TAOK3: variants seen among roughly 807,000 people sequenced by gnomAD.
The protein encoded by TAOK3 is serine/threonine-protein kinase TAO3.
TAOK3 carries 40 observed loss-of-function variants against 120.4 expected under a neutral mutation model. The ratio of observed to expected loss-of-function variants is 0.33; its 90% CI spans 0.26 to 0.43. The LOEUF (loss-of-function observed/expected upper bound fraction) is 0.43. Among genes scored for constraint, TAOK3 ranks in the 20% least tolerant of loss-of-function variants. The probability of loss-of-function intolerance (pLI) is 1.00; values close to 1 mark genes in which losing one functional copy is unlikely to be tolerated. For missense variants in TAOK3, 821 were observed against 1,112.1 expected, an observed-to-expected ratio of 0.74 and a Z score of 3.72; for synonymous variants, 355 against 387.5, an observed-to-expected ratio of 0.92 and a Z score of 0.99.
intron 13 of TAOK3, among the ~76,000 whole-genome samples, chr12:118,195,110 T>C (rs781778527): frequency 6.6e-6 from 1 of 151,982 alleles, no homozygotes; most frequent in South Asian, 2.1e-4. Context: ...GAATGAAGTG[T>C]TGTCCCATTA....
chr12:118,237,498 G>T (rs980403734), intron 7 of TAOK3, among the ~76,000 whole-genome samples: 2 of 152,136 alleles, frequency 1.3e-5, no homozygotes, highest in Non-Finnish European at 2.9e-5. Context: ...CCTAGAATAG[G>T]AGTCAAGAAA....
intron 8 of TAOK3, among the ~76,000 whole-genome samples, chr12:118,234,168 A>AAAGT (rs1473207766): frequency 1.3e-5 from 2 of 149,384 alleles, no homozygotes; most frequent in East Asian, 3.9e-4. Context: ...ATAGTTCCAT[A>AAAGT]AAGTATTTTT....
At chr12:118,303,828 A>G (rs1171860884) in intron 1 of TAOK3, among the ~76,000 whole-genome samples, 1 of 152,102 alleles carries the variant, frequency 6.6e-6, no homozygotes, top group Non-Finnish European at 1.5e-5. Context: ...TTGTATTTTC[A>G]GTAGAGATGG....
At chr12:118,355,304 G>A (rs1007337268) in intron 1 of TAOK3, among the ~76,000 whole-genome samples, 3 of 152,138 alleles carry the variant, frequency 2.0e-5, no homozygotes, top group African/African-American at 7.2e-5. Context: ...TCTGAGTGGT[G>A]TACTCAGAAG....
intron 1 of TAOK3, among the ~76,000 whole-genome samples, chr12:118,284,590 T>C (rs921647287): frequency 6.6e-6 from 1 of 152,150 alleles, no homozygotes; most frequent in Non-Finnish European, 1.5e-5. Context: ...TAAAACTGAA[T>C]TGAAGGTGAT....
At chr12:118,246,112 G>A (rs2040483723) in intron 3 of TAOK3, 11 of 1,354,170 alleles carry the variant, frequency 8.1e-6, no homozygotes, top group Admixed American at 2.4e-5. Flanking sequence ...GCAGCGGGGG[G>A]GCACGGAGGC....
intron 16 of TAOK3, among the ~76,000 whole-genome samples, chr12:118,176,693 A>T (rs78690826): frequency 0.094 from 14,294 of 152,214 alleles, 852 homozygotes; most frequent in Non-Finnish European, 0.13. Flanking sequence ...GTCAGATAAA[A>T]AAATAAATAA....
chr12:118,164,737 A>T (rs982235525), intron 17 of TAOK3, among the ~76,000 whole-genome samples: 3 of 152,180 alleles, frequency 2.0e-5, no homozygotes, highest in African/African-American at 4.8e-5. Context: ...ACTTTAAATT[A>T]GAACAATAGA....
intron 19 of TAOK3, among the ~76,000 whole-genome samples, chr12:118,157,242 A>G (rs902476323): frequency 1.3e-5 from 2 of 151,950 alleles, no homozygotes; most frequent in Admixed American, 6.6e-5. Flanking sequence ...ATCATCTCCT[A>G]ATATCCATTC....
rs1261613686 is a variant in TAOK3, at chr12:118,151,283, G to A, written c.2536-125C>T. ...ACATAGGCACACACATGAAGTGCGC[G>A]CGCGCGCACACACACACACACACAC... is the stretch of plus-strand genomic sequence containing the variant. On this transcript the variant is annotated intron_variant, in intron 20 of 20. Transcript: ENST00000392533. 58 of 564,468 alleles carry A rather than the reference G, an allele frequency of 1.0e-4. 1 individual carries two copies. The highest frequency in any genetic ancestry group is 8.9e-4 in the African/African-American group (22 of 24,854). The allele number at this position is 564,468 out of a possible 1,614,324, so 35.0% of individuals were successfully genotyped here.
Position 118,161,098 on chromosome 12 carries a change from T to C in TAOK3, c.2139+690A>G, listed in dbSNP as rs1726393. Among the ~76,000 whole-genome samples, 28,249 of 152,302 alleles carry C rather than the reference T, an allele frequency of 0.19. 2,985 individuals carry two copies. Among genetic ancestry groups the C allele is most frequent in the Non-Finnish European group, 0.24 (16,344 of 68,030 alleles). On this transcript the variant is annotated intron_variant, in intron 18 of 20. Transcript: ENST00000392533. This position sits in a 1 kb window ranked among gnomAD's most constrained non-coding sequence, Gnocchi z 4.5. Reference sequence around the variant, plus strand: ...CGAACACTCTGAGGACTTATGGTGATAGAAATCATTGCTTAGCTTAGAATT... The same window carrying C: ...CGAACACTCTGAGGACTTATGGTGACAGAAATCATTGCTTAGCTTAGAATT...
At chr12:118,271,714 CTTCT>C (rs1417531959) in intron 1 of TAOK3, among the ~76,000 whole-genome samples, 1 of 152,148 alleles carries the variant, frequency 6.6e-6, no homozygotes, top group African/African-American at 2.4e-5. Context: ...GGCCCTACGG[CTTCT>C]TTAAGTAGCA....
At chr12:118,202,278 T>C (rs1365960198) in intron 11 of TAOK3, among the ~76,000 whole-genome samples, 1 of 151,944 alleles carries the variant, frequency 6.6e-6, no homozygotes, top group Non-Finnish European at 1.5e-5. Context: ...GATGAACACA[T>C]AGGATGTTTC....
intron 15 of TAOK3, among the ~76,000 whole-genome samples, chr12:118,179,197 C>G (rs2036537971): frequency 6.6e-6 from 1 of 152,072 alleles, no homozygotes. Context: ...CATGTGGAGA[C>G]AGAGAGAGAC....
Position 118,189,924 on chromosome 12 carries a change from C to A in TAOK3, c.1212G>T (p.Arg404Ser). The A allele has an allele frequency of 1.2e-6, 2 of 1,614,166 alleles. No individual in the cohort carries two copies. The highest frequency in any genetic ancestry group is 2.2e-5 in the South Asian group (2 of 91,084). Residue 404 changes from arginine to serine, a missense_variant, in exon 14 of 21, where the codon AGG becomes AGT. Transcript: ENST00000392533. ...VVHKKDHVFI[R>S]DEAGHGDPRP... ...TGGGATCGCCGTGGCCCGCCTCATC[C>A]CTTATGAATACATGATCCTGCAGAA... is the stretch of plus-strand genomic sequence containing the variant.
intron 11 of TAOK3, 98 bp from the exon 12 acceptor site, chr12:118,201,561 C>T: frequency 9.8e-7 from 1 of 1,025,300 alleles, no homozygotes. Context: ...TAAAATAGTT[C>T]TATGGATATT....
Position 118,213,999 on chromosome 12 carries a change from A to AT in TAOK3, c.737+17dup. 6.3e-7 allele frequency: 1 copy of AT among 1,591,872 alleles called. No homozygotes were observed. The highest frequency in any genetic ancestry group is 1.1e-5 in the South Asian group (1 of 90,098). On this transcript the variant is annotated intron_variant, in intron 10 of 20. Transcript: ENST00000392533. ...ACGGTGATTTTCTTAGAGATTTAAA[A>AT]TGATAGCAGAGTCTTACCATTCATT...
intron 3 of TAOK3, chr12:118,246,437 C>T (rs2040507278): frequency 7.5e-7 from 1 of 1,336,048 alleles, no homozygotes; most frequent in African/African-American, 1.5e-5. Flanking sequence ...AGACCCGTGC[C>T]AGCCAGCGCA....
intron 9 of TAOK3, among the ~76,000 whole-genome samples, chr12:118,227,383 T>G (rs1050432570): frequency 1.3e-5 from 2 of 150,294 alleles, no homozygotes; most frequent in Non-Finnish European, 3.0e-5. Flanking sequence ...AAACCAAAAT[T>G]TTACTTATAA....
Sources: allele counts gnomAD v4.1 joint callset (sites outside exome capture counted in the v4.1 genomes callset), GRCh38; gene constraint gnomAD v4.1.1; non-coding constraint Gnocchi (gnomAD v3.1); transcripts MANE v1.5; gene names NCBI Gene and HGNC (gene_info 2026-07-23, HGNC 2026-07-21).